CLEC16A: variants seen among roughly 807,000 people sequenced by gnomAD.
CLEC16A encodes C-type lectin domain containing 16A.
In CLEC16A, 51 loss-of-function variants were observed where a neutral mutation model predicts 109.5. The observed-to-expected ratio is 0.47, with a 90% CI of 0.37 to 0.59. The LOEUF (loss-of-function observed/expected upper bound fraction) is 0.59, where lower values mean the gene tolerates loss of function less well. CLEC16A is among the 20% of genes least tolerant of loss of function. The pLI, the probability that CLEC16A is intolerant of heterozygous loss-of-function variation, is 0.00. For synonymous variants in CLEC16A, 673 were observed against 564.2 expected (o/e 1.19, Z -2.73); for missense variants, 1,339 against 1,394.0 (o/e 0.96, Z 0.63).
intron 22 of CLEC16A, among the ~76,000 whole-genome samples, chr16:11,130,349 T>C (rs1270391830): frequency 6.6e-6 from 1 of 152,198 alleles, no homozygotes; most frequent in Non-Finnish European, 1.5e-5. Flanking sequence ...CCCTAGATAC[T>C]TGGTGGTTTA....
chr16:11,042,385 C>G (rs1217777304), intron 15 of CLEC16A, 22 bp downstream of exon 15: 2 of 1,533,268 alleles, frequency 1.3e-6, no homozygotes, highest in Non-Finnish European at 1.8e-6. Flanking sequence ...TCCGCTCCTC[C>G]TTCCTGTGGG....
In CLEC16A at chr16:11,027,028, CG is replaced by C. The variant is rs561171946; in HGVS notation, c.1537+2109del. The C allele has an allele frequency of 3.2e-5, 50 of 1,568,710 alleles. No individual in the cohort carries two copies. The South Asian group carries it at 5.0e-4, about 16-fold the overall frequency. ...AGTAGCTGCACCACTAGAAAGATGG[CG>C]GAGGAAGAGCAAAGAAAAATCCCTT... On this transcript the variant is annotated intron_variant, in intron 13 of 23. Coordinates refer to ENST00000409790, the MANE Select transcript of CLEC16A (RefSeq NM_015226.3).
In CLEC16A at chr16:11,174,438, C is replaced by G. The variant is rs1317072816; in HGVS notation, c.2807-3897C>G. 6.6e-6 allele frequency among the ~76,000 whole-genome samples: 1 copy of G among 152,246 alleles called. No individual in the cohort carries two copies. On this transcript the variant is annotated intron_variant, in intron 23 of 23. Coordinates refer to ENST00000409790, the MANE Select transcript of CLEC16A (RefSeq NM_015226.3). The surrounding 1 kb of genome is among the most constrained non-coding windows in gnomAD (Gnocchi z 4.7). ...CCCATTTTCCCCCAAAGTTGGTTCT[C>G]CCTGCTCCCTGTCTGGCCTCACCTC...
At chr16:11,104,275 A>T (rs74921750) in intron 19 of CLEC16A, among the ~76,000 whole-genome samples, 1 of 150,866 alleles carries the variant, frequency 6.6e-6, no homozygotes. Context: ...TACCCAGCTA[A>T]TTTTTTTTTT....
intron 17 of CLEC16A, 114 bp from the exon 18 acceptor site, chr16:11,051,399 C>G (rs2047932804): frequency 9.4e-7 from 1 of 1,062,274 alleles, no homozygotes; most frequent in Admixed American, 2.0e-5. Flanking sequence ...TTAGATCACT[C>G]ATTTACATTT....
intron 10 of CLEC16A, among the ~76,000 whole-genome samples, chr16:10,989,843 C>A (rs865780170): frequency 1.3e-5 from 2 of 152,206 alleles, no homozygotes; most frequent in Non-Finnish European, 2.9e-5. Context: ...GAGCATTAAT[C>A]GTTGACTTAG....
chr16:11,097,930 G>C (rs1038460671), intron 19 of CLEC16A, among the ~76,000 whole-genome samples: 1 of 152,192 alleles, frequency 6.6e-6, no homozygotes, highest in Admixed American at 6.5e-5. Flanking sequence ...GCTGGCCCAC[G>C]GGCGACAGGT....
chr16:10,995,258 C>G (rs2044259246), intron 10 of CLEC16A, among the ~76,000 whole-genome samples: 2 of 152,216 alleles, frequency 1.3e-5, no homozygotes, highest in Admixed American at 6.5e-5. Flanking sequence ...GCTGTGGCAA[C>G]TGAGACCTAT....
intron 10 of CLEC16A, among the ~76,000 whole-genome samples, chr16:10,996,592 C>T (rs1490668973): frequency 2.0e-5 from 3 of 152,232 alleles, no homozygotes; most frequent in African/African-American, 7.2e-5. Context: ...CCGTCCTAAG[C>T]TCCCCCTATG....
intron 18 of CLEC16A, 49 bp downstream of exon 18, chr16:11,051,690 C>A (rs2047950030): frequency 6.2e-7 from 1 of 1,602,664 alleles, no homozygotes; most frequent in African/African-American, 1.3e-5. Context: ...TTCTCCAGAA[C>A]CACTCCCAGA....
intron 15 of CLEC16A, 134 bp from the exon 16 acceptor site, chr16:11,043,894 A>AC (rs1359570742): frequency 3.5e-6 from 2 of 578,850 alleles, no homozygotes; most frequent in African/African-American, 3.8e-5. Context: ...AAAAAAAAAA[A>AC]ACACCATTTT....
chr16:11,072,014 T>G lies in CLEC16A; in HGVS notation c.2116+10992T>G, dbSNP rs569725584. Reference sequence around the variant, plus strand: ...TCTGATGCCTATAATGTTGGACTGATTCAGAAGATAAAACTGTGTGTGTGT... The same window carrying G: ...TCTGATGCCTATAATGTTGGACTGAGTCAGAAGATAAAACTGTGTGTGTGT... On this transcript the variant is annotated intron_variant, in intron 19 of 23. Coordinates refer to ENST00000409790, the MANE Select transcript of CLEC16A (RefSeq NM_015226.3). Among the ~76,000 whole-genome samples the G allele has an allele frequency of 4.6e-5, 7 of 152,234 alleles. No individual in the cohort carries two copies. In the South Asian group the frequency reaches 1.5e-3, roughly 32 times the overall value.
chr16:10,965,372 C>T (rs569106254), intron 3 of CLEC16A, among the ~76,000 whole-genome samples: 2 of 152,266 alleles, frequency 1.3e-5, no homozygotes, highest in South Asian at 2.1e-4. Flanking sequence ...TGTTAAATAA[C>T]GAAAAGCCAA....
intron 8 of CLEC16A, 118 bp from the exon 9 acceptor site, chr16:10,979,211 A>T: frequency 2.4e-6 from 2 of 829,780 alleles, no homozygotes; most frequent in Non-Finnish European, 3.8e-6. Context: ...AGGGCCGTGG[A>T]GGAAGTCAGT....
intron 19 of CLEC16A, among the ~76,000 whole-genome samples, chr16:11,094,658 T>G (rs1283246025): frequency 6.6e-6 from 1 of 152,270 alleles, no homozygotes; most frequent in South Asian, 2.1e-4. Flanking sequence ...CCTTTTTTCC[T>G]GTGGGGCCCT....
chr16:10,983,128 G>A, intron 10 of CLEC16A, 137 bp downstream of exon 10: 1 of 579,448 alleles, frequency 1.7e-6, no homozygotes, highest in South Asian at 2.0e-5. Flanking sequence ...GGGATTCAGT[G>A]AACCTAATCA....
intron 17 of CLEC16A, among the ~76,000 whole-genome samples, chr16:11,050,377 G>A (rs75899625): frequency 1.4e-3 from 214 of 152,302 alleles, no homozygotes; most frequent in Non-Finnish European, 2.3e-3. Context: ...CTGAGCCCTC[G>A]CTACATCCCT....
intron 22 of CLEC16A, chr16:11,136,159 C>G (rs889195159): frequency 1.3e-5 from 2 of 152,266 alleles, no homozygotes; most frequent in Non-Finnish European, 2.9e-5. Context: ...CCTTCCACCT[C>G]CACGGGAAAA....
intron 22 of CLEC16A, among the ~76,000 whole-genome samples, chr16:11,127,656 C>T (rs1044407696): frequency 3.9e-5 from 6 of 152,120 alleles, no homozygotes; most frequent in African/African-American, 1.4e-4. Context: ...ATTGCTTGAG[C>T]CCAGGAGTTT....
Sources: gnomAD v4.1 joint callset for allele counts (sites outside exome capture counted in the v4.1 genomes callset) on GRCh38, gnomAD v4.1.1 for gene constraint, Gnocchi (gnomAD v3.1) non-coding constraint, MANE v1.5 for transcripts, NCBI Gene and HGNC (gene_info 2026-07-23, HGNC 2026-07-21) for gene names.